The following HRH1 variants were observed in gnomAD, a reference collection of about 807,000 sequenced individuals.
HRH1 encodes the protein histamine H1 receptor.
HRH1 carries 6 observed loss-of-function variants against 10.3 expected under a neutral mutation model. That is an observed-to-expected ratio of 0.58 (90% CI 0.32 to 1.15). The LOEUF (loss-of-function observed/expected upper bound fraction) is 1.15, where lower values mean the gene tolerates loss of function less well. HRH1 is among the 50% of genes most tolerant of loss of function. The probability of loss-of-function intolerance (pLI) is 0.05; values close to 1 mark genes in which losing one functional copy is unlikely to be tolerated. For missense variants in HRH1, 514 were observed against 615.3 expected, an observed-to-expected ratio of 0.84 and a Z score of 1.74; for synonymous variants, 242 against 236.7, an observed-to-expected ratio of 1.02 and a Z score of -0.21.
intron 1 of HRH1, among the ~76,000 whole-genome samples, chr3:11,187,125 G>C (rs1173435328): frequency 1.3e-5 from 2 of 152,122 alleles, no homozygotes; most frequent in Non-Finnish European, 2.9e-5. Flanking sequence ...GGGCCAGAGG[G>C]GGTCCTCTGG....
At chr3:11,164,633 A>C (rs990106210) in intron 1 of HRH1, among the ~76,000 whole-genome samples, 2 of 152,198 alleles carry the variant, frequency 1.3e-5, no homozygotes, top group African/African-American at 4.8e-5. Flanking sequence ...GGTGTTGTGC[A>C]TTCTGATAAC....
At chr3:11,233,816 A>C (rs560225355) in intron 1 of HRH1, among the ~76,000 whole-genome samples, 1 of 152,238 alleles carries the variant, frequency 6.6e-6, no homozygotes, top group South Asian at 2.1e-4. Context: ...TAGAGGCCCC[A>C]CCCCAGCATT....
intron 1 of HRH1, among the ~76,000 whole-genome samples, chr3:11,235,560 G>T (rs1164425381): frequency 2.0e-5 from 3 of 152,216 alleles, no homozygotes; most frequent in Non-Finnish European, 4.4e-5. Flanking sequence ...GGATGAGAGT[G>T]CCTCCTCACT....
intron 1 of HRH1, among the ~76,000 whole-genome samples, chr3:11,258,266 C>G (rs1001544741): frequency 2.7e-4 from 29 of 107,722 alleles, no homozygotes; most frequent in African/African-American, 1.0e-3. Context: ...AAAAAAAAAG[C>G]AAAGCCAAGC....
At chr3:11,157,828 T>C (rs564064978) in intron 1 of HRH1, among the ~76,000 whole-genome samples, 2 of 152,230 alleles carry the variant, frequency 1.3e-5, no homozygotes, top group Non-Finnish European at 2.9e-5. Flanking sequence ...CAGAAGAGGT[T>C]GAGGAAGCTG....
intron 1 of HRH1, among the ~76,000 whole-genome samples, chr3:11,185,397 C>T (rs1029143949): frequency 6.6e-6 from 1 of 152,228 alleles, no homozygotes; most frequent in Admixed American, 6.5e-5. Context: ...CCTCCCACAG[C>T]ACTTTGTCTA....
chr3:11,258,536 T>C (rs1246738697), intron 1 of HRH1, among the ~76,000 whole-genome samples: 1 of 152,230 alleles, frequency 6.6e-6, no homozygotes, highest in Non-Finnish European at 1.5e-5. Context: ...ACTCCGCCTC[T>C]GCTGTTTGAC....
upstream of HRH1, among the ~76,000 whole-genome samples, chr3:11,154,197 C>G (rs1936720099): frequency 6.6e-6 from 1 of 152,188 alleles, no homozygotes; most frequent in East Asian, 1.9e-4. This position sits in a 1 kb window ranked among gnomAD's most constrained non-coding sequence, Gnocchi z 4.4. Context: ...ACCCCTCCTT[C>G]CAAACCCAAG....
intron 1 of HRH1, among the ~76,000 whole-genome samples, chr3:11,161,235 G>C (rs1186442217): frequency 6.6e-6 from 1 of 152,226 alleles, no homozygotes; most frequent in Non-Finnish European, 1.5e-5. Flanking sequence ...ATGATTGTTT[G>C]TATAGGTTGT....
rs62248185 is a variant in HRH1 at position 11,234,102 on chromosome 3, G to T, written c.-35-24901G>T. ...TTTTTTTCAGTGTATGTGTCAAGAGGTCAAGACCCCTGATCATCAAAATAA... is the reference window on the plus strand; with the variant it reads ...TTTTTTTCAGTGTATGTGTCAAGAGTTCAAGACCCCTGATCATCAAAATAA... On this transcript the variant is annotated intron_variant, in intron 1 of 1. Coordinates refer to ENST00000431010, the MANE Select transcript of HRH1 (RefSeq NM_001098212.2). Among the ~76,000 whole-genome samples, 9 of 152,116 alleles carry T rather than the reference G, an allele frequency of 5.9e-5. No homozygotes were observed. The East Asian group carries it at 1.7e-3, about 30-fold the overall frequency.
chr3:11,168,483 C>T (rs187393694), intron 1 of HRH1, among the ~76,000 whole-genome samples: 4 of 152,280 alleles, frequency 2.6e-5, no homozygotes, highest in African/African-American at 4.8e-5. Flanking sequence ...CAGTGAGAAG[C>T]GAACAGCTTC....
intron 1 of HRH1, among the ~76,000 whole-genome samples, chr3:11,168,137 G>A (rs559080254): frequency 6.6e-6 from 1 of 152,312 alleles, no homozygotes; most frequent in South Asian, 2.1e-4. Flanking sequence ...GTATCTCAGT[G>A]GAAAGCATTC....
intron 1 of HRH1, among the ~76,000 whole-genome samples, chr3:11,250,956 G>T (rs12632611): frequency 0.016 from 2,474 of 152,278 alleles, 78 homozygotes; most frequent in East Asian, 0.07. Flanking sequence ...TAGCTTGGGG[G>T]CCCCAGTGAG....
intron 1 of HRH1, among the ~76,000 whole-genome samples, chr3:11,237,886 C>T (rs1939230486): frequency 6.6e-6 from 1 of 151,988 alleles, no homozygotes. Context: ...CCATATTGGC[C>T]AGGGTGGTCT....
In HRH1 at chr3:11,220,702, TAAAG is replaced by T. The variant is rs1938682823; in HGVS notation, c.-35-38298_-35-38295del. On this transcript the variant is annotated intron_variant, in intron 1 of 1. Transcript: ENST00000431010. ...CTCCTTTATCGGGCTGCGCTGAACT[TAAAG>T]AACAGACAAGTTGAGGTTCATTATA... 3.9e-5 allele frequency among the ~76,000 whole-genome samples: 6 copies of T among 152,326 alleles called. No individual in the cohort carries two copies. In the South Asian group the frequency reaches 1.2e-3, roughly 32 times the overall value.
intron 1 of HRH1, among the ~76,000 whole-genome samples, chr3:11,165,205 C>G (rs929626040): frequency 2.6e-5 from 4 of 152,186 alleles, no homozygotes; most frequent in Non-Finnish European, 4.4e-5. Context: ...TGCTGCAAAG[C>G]CCCTCAAGGT....
At chr3:11,237,100 A>T (rs1445064016) in intron 1 of HRH1, among the ~76,000 whole-genome samples, 5 of 152,224 alleles carry the variant, frequency 3.3e-5, no homozygotes, top group Non-Finnish European at 5.9e-5. Context: ...CTATCCTGAA[A>T]TGATACTTGT....
intron 1 of HRH1, among the ~76,000 whole-genome samples, chr3:11,182,225 C>A (rs1462961122): frequency 6.7e-6 from 1 of 150,078 alleles, no homozygotes. Flanking sequence ...TTGTGATCCA[C>A]CCCGCCTTGG....
At chr3:11,186,577 G>A (rs1168345220) in intron 1 of HRH1, among the ~76,000 whole-genome samples, 2 of 152,194 alleles carry the variant, frequency 1.3e-5, no homozygotes, top group African/African-American at 4.8e-5. Context: ...GGAAGGAAGA[G>A]CTGACTTTAA....
Sources: allele counts gnomAD v4.1 joint callset (sites outside exome capture counted in the v4.1 genomes callset), GRCh38; gene constraint gnomAD v4.1.1; non-coding constraint Gnocchi (gnomAD v3.1); transcripts MANE v1.5; gene names NCBI Gene and HGNC (gene_info 2026-07-23, HGNC 2026-07-21).